OXA1L: variants seen among roughly 807,000 people sequenced by gnomAD.
The protein encoded by OXA1L is mitochondrial inner membrane protein OXA1L.
OXA1L carries 42 observed loss-of-function variants against 52.2 expected under a neutral mutation model. The ratio of observed to expected loss-of-function variants is 0.80; its 90% CI spans 0.63 to 1.04. OXA1L has a LOEUF of 1.04. Ranked by LOEUF, OXA1L falls within the 50% of genes least tolerant of loss-of-function variation. The probability of loss-of-function intolerance (pLI) is 0.00; values close to 1 mark genes in which losing one functional copy is unlikely to be tolerated. For missense variants in OXA1L, 572 were observed against 555.0 expected (o/e 1.03, Z -0.31); for synonymous variants, 239 against 201.9 (o/e 1.18, Z -1.56).
At chr14:22,771,397 G>C in intron 9 of OXA1L, 37 bp from the exon 10 acceptor site, 1 of 1,613,932 alleles carries the variant, frequency 6.2e-7, no homozygotes. Context: ...CTTCCTTTCT[G>C]TTCTTCGTTG....
At position 22,770,228 on chromosome 14, in the gene OXA1L, A is replaced by C. The variant is rs753873804; in HGVS notation, c.619A>C (p.Lys207Gln). 9.9e-6 allele frequency: 16 copies of C among 1,612,714 alleles called. No homozygotes were observed. In the East Asian group the frequency reaches 3.6e-4, roughly 36 times the overall value. ...KASSEMALYQ[K>Q]KHGIKLYKPL... is the part of the protein sequence containing the mutation. ...TTCCTCGGAGATGGCACTTTACCAG[A>C]AAAAACATGGTATTAAACTCTATAA... The change falls in exon 5 of 10, where the codon AAA becomes CAA. Residue 207 changes from lysine to glutamine, a missense_variant. Physicochemically the swap from Lys to Gln is moderately conservative, Grantham distance 53. Transcript: ENST00000612549.
intron 1 of OXA1L, chr14:22,767,008 C>T (rs889766680): frequency 3.3e-6 from 5 of 1,535,166 alleles, no homozygotes; most frequent in Non-Finnish European, 4.4e-6. Flanking sequence ...GTTCTCAGGG[C>T]CCTCCGATGT....
rs761949702 is a variant in OXA1L, at chr14:22,771,367, C to T, written c.1183+19C>T. ...GCCAGGGGTAAATAGTCCTTTCAGGCCAAATTCTGTCTTTTGTTTCTTCCT... is the reference window on the plus strand; with the variant it reads ...GCCAGGGGTAAATAGTCCTTTCAGGTCAAATTCTGTCTTTTGTTTCTTCCT... On this transcript the variant is annotated intron_variant, in intron 9 of 9. Coordinates refer to ENST00000612549, the MANE Select transcript of OXA1L (RefSeq NM_005015.5). The T allele has an allele frequency of 3.1e-5, 50 of 1,613,642 alleles. No homozygotes were observed. In the Admixed American group the frequency reaches 8.0e-4, roughly 26 times the overall value.
chr14:22,772,488 C>CCAAAAA lies in OXA1L; in HGVS notation c.*930_*931insCAAAAA, dbSNP rs1355842728. 5.3e-5 allele frequency: 4 copies of CCAAAAA among 76,002 alleles called. 2 individuals are homozygous for CCAAAAA. In the Admixed American group the frequency reaches 6.3e-4, roughly 12 times the overall value. The allele number at this position is 76,002 out of a possible 1,614,324, so 4.7% of individuals were successfully genotyped here. The stretch of plus-strand genomic sequence containing the variant: ...TGGGCAAGAGAGTGAGACTCCTTCT[C>CCAAAAA]AAAAAAAAAAAAAAAAAAAAAAAAA... On this transcript the variant is annotated 3_prime_UTR_variant, in exon 10 of 10. Transcript: ENST00000612549.
rs1053229637 is a variant in OXA1L, at chr14:22,770,372, G to A, written c.670-89G>A. On this transcript the variant is annotated intron_variant, in intron 5 of 9. Transcript: ENST00000612549. ...TCCCAGGTCCCCCAAAAAACAGGTG[G>A]TGGTGGATTATACATGGCTTTCAGT... 1.0e-5 allele frequency: 16 copies of A among 1,550,126 alleles called. No homozygotes were observed. In the South Asian group the frequency reaches 1.6e-4, roughly 15 times the overall value.
chr14:22,769,801 T>C lies in OXA1L; in HGVS notation c.450T>C (p.Phe150=). Residue 150 remains phenylalanine (F), a synonymous_variant, in exon 4 of 10, where the codon TTT becomes TTC. Coordinates refer to ENST00000612549, the MANE Select transcript of OXA1L (RefSeq NM_005015.5). ...GTTTGTATTTTCCAGGTACAGTCTT[T>C]GCCCGCTGCCTGATTTTTCCTCTCA... ...WWGAIAACTV[F]ARCLIFPLIV... 6.2e-7 allele frequency: 1 copy of C among 1,614,202 alleles called. No individual in the cohort carries two copies. Among genetic ancestry groups the C allele is most frequent in the African/African-American group, 1.3e-5 (1 of 75,036 alleles).
At position 22,766,696 on chromosome 14, in the gene OXA1L, G is replaced by T; in HGVS notation, c.-6G>T. 1 of 1,614,268 alleles carries T rather than the reference G, an allele frequency of 6.2e-7. No homozygotes were observed. Among genetic ancestry groups the T allele is most frequent in the Non-Finnish European group, 8.5e-7 (1 of 1,180,054 alleles). On this transcript the variant is annotated 5_prime_UTR_variant, in exon 1 of 10. Coordinates refer to ENST00000612549, the MANE Select transcript of OXA1L (RefSeq NM_005015.5). ...AGGCGCAAAAGCAAGTCCTCTTCCG[G>T]GCAAAATGGCGATGGGACTAATGTG...
At position 22,768,358 on chromosome 14, in the gene OXA1L, A is replaced by T. The variant is rs115253312; in HGVS notation, c.439+187A>T. 1,247 of 592,502 alleles carry T rather than the reference A, an allele frequency of 2.1e-3. 9 individuals are homozygous for T. Among genetic ancestry groups the T allele is most frequent in the African/African-American group, 0.018 (962 of 53,900 alleles). 36.7% of individuals were successfully genotyped at this position (592,502 alleles called of 1,614,324 possible). ...ATTTCTTAAAGAGCATTATAAAACC[A>T]CCAGATCATCTGGGATTCAAGAAGT... On this transcript the variant is annotated intron_variant, in intron 3 of 9. Coordinates refer to ENST00000612549, the MANE Select transcript of OXA1L (RefSeq NM_005015.5).
chr14:22,767,332 C>T lies in OXA1L; in HGVS notation c.148C>T (p.Arg50Cys). Residue 50 changes from arginine (R) to cysteine (C), a missense_variant, in exon 2 of 10, where the codon CGC (arginine) becomes TGC (cysteine). Arg to Cys is a radical substitution (Grantham distance 180). This residue lies in a region of OXA1L where 186 missense variants were observed against 151.8 expected (regional missense o/e 1.23). Coordinates refer to ENST00000612549, the MANE Select transcript of OXA1L (RefSeq NM_005015.5). ...ATTCCCAGCAGCCCCGTGCTGCTGT[C>T]GCCCACACTACCTCTTCCTTGCGGC... ...LLFPAAPCCC[R>C]PHYLFLAASG... 1.9e-6 allele frequency: 3 copies of T among 1,613,870 alleles called. No individual in the cohort carries two copies. Among genetic ancestry groups the T allele is most frequent in the Non-Finnish European group, 1.7e-6 (2 of 1,179,892 alleles).
At chr14:22,768,591 G>A (rs140931161) in intron 3 of OXA1L, 2 of 196,134 alleles carry the variant, frequency 1.0e-5, no homozygotes, top group South Asian at 8.8e-5. Flanking sequence ...TTTCTCCCCT[G>A]TGTCTTCAGC....
At chr14:22,767,536 A>G in intron 2 of OXA1L, 127 bp downstream of exon 2, 1 of 734,714 alleles carries the variant, frequency 1.4e-6, no homozygotes, top group Non-Finnish European at 2.2e-6. Flanking sequence ...AGCTCTCCAA[A>G]ATGATAGCAT....
chr14:22,770,827 A>G lies in OXA1L; in HGVS notation c.857A>G (p.Gln286Arg), dbSNP rs767056865. 2 of 1,614,184 alleles carry G rather than the reference A, an allele frequency of 1.2e-6. No homozygotes were observed. The highest frequency in any genetic ancestry group is 8.5e-7 in the Non-Finnish European group (1 of 1,180,004). The change falls in exon 7 of 10, where the codon CAA becomes CGA. Residue 286 changes from glutamine (Q) to arginine (R), a missense_variant. By Grantham distance (43) the Gln-to-Arg change is conservative. This residue lies in a region of OXA1L where 244 missense variants were observed against 240.2 expected (regional missense o/e 1.02). Coordinates refer to ENST00000612549, the MANE Select transcript of OXA1L (RefSeq NM_005015.5). ...VLELGAETGV[Q>R]SSDLQWMRNV... is the part of the protein sequence containing the mutation. Reference sequence around the variant, plus strand: ...CAGCTAGGTGCTGAGACAGGTGTGCAAAGTTCTGACCTTCAGTGGATGAGA... The same window carrying G: ...CAGCTAGGTGCTGAGACAGGTGTGCGAAGTTCTGACCTTCAGTGGATGAGA...
chr14:22,770,921 CT>C lies in OXA1L; in HGVS notation c.939+14del. On this transcript the variant is annotated intron_variant, in intron 7 of 9. Coordinates refer to ENST00000612549, the MANE Select transcript of OXA1L (RefSeq NM_005015.5). ...TGCATTTCCCCACGGTATGTAATGC[CT>C]TATGGGCTGGCTCCAAGGCCTTCTG... 6.2e-7 allele frequency: 1 copy of C among 1,613,032 alleles called. No individual in the cohort carries two copies. Among genetic ancestry groups the C allele is most frequent in the Non-Finnish European group, 8.5e-7 (1 of 1,178,994 alleles).
At chr14:22,767,742 A>G in intron 2 of OXA1L, 1 of 516,750 alleles carries the variant, frequency 1.9e-6, no homozygotes, top group Non-Finnish European at 3.4e-6. Flanking sequence ...TCCCAGCATG[A>G]AGGGAAGTCA....
chr14:22,771,066 G>A lies in OXA1L; in HGVS notation c.988G>A (p.Val330Ile). The A allele has an allele frequency of 6.2e-7, 1 of 1,614,162 alleles. No homozygotes were observed. The highest frequency in any genetic ancestry group is 1.3e-5 in the African/African-American group (1 of 75,038). Reference protein sequence around the residue: ...LSSNLFSLVQVSCLRIPAVRT... With the variant: ...LSSNLFSLVQISCLRIPAVRT... ...CTCCAATTTGTTTTCCCTGGTCCAA[G>A]TATCCTGTCTCCGGATTCCAGCAGT... The change falls in exon 8 of 10, where the codon GTA becomes ATA. Residue 330 changes from valine to isoleucine, a missense_variant. Val to Ile is a conservative substitution (Grantham distance 29, BLOSUM62 3). Coordinates refer to ENST00000612549, the MANE Select transcript of OXA1L (RefSeq NM_005015.5).
At position 22,771,637 on chromosome 14, in the gene OXA1L, C is replaced by G; in HGVS notation, c.*79C>G. On this transcript the variant is annotated 3_prime_UTR_variant, in exon 10 of 10. Transcript: ENST00000612549. Reference sequence around the variant, plus strand: ...TCAAAACAAGACTTGACACTGTGTCCTTGCCCCAGTCCTAGGAACTGTGGC... The same window carrying G: ...TCAAAACAAGACTTGACACTGTGTCGTTGCCCCAGTCCTAGGAACTGTGGC... 6.9e-7 allele frequency: 1 copy of G among 1,449,106 alleles called. No homozygotes were observed. The highest frequency in any genetic ancestry group is 9.7e-7 in the Non-Finnish European group (1 of 1,034,222). 89.8% of individuals were successfully genotyped at this position (1,449,106 alleles called of 1,614,324 possible). A position where few individuals can be genotyped will look rare whatever the true frequency, so the allele number is the denominator to read the frequency against.
Position 22,772,162 on chromosome 14 carries a change from AATATAAT to A in OXA1L, c.*605_*611del, listed in dbSNP as rs2038475232. 6.6e-6 allele frequency: 1 copy of A among 152,306 alleles called. No individual in the cohort carries two copies. The highest frequency in any genetic ancestry group is 1.5e-5 in the Non-Finnish European group (1 of 68,430). The allele number at this position is 152,306 out of a possible 1,614,324, so 9.4% of individuals were successfully genotyped here. A position where few individuals can be genotyped will look rare whatever the true frequency, so the allele number is the denominator to read the frequency against. ...CTTTTGCTGGCCCATGGCCTTGGAA[AATATAAT>A]GTTTTAACCTGGCATTAAGGGTTTA... On this transcript the variant is annotated 3_prime_UTR_variant, in exon 10 of 10. Transcript: ENST00000612549.
chr14:22,767,080 C>T (rs2038412723), intron 1 of OXA1L, 168 bp from the exon 2 acceptor site: 5 of 1,536,346 alleles, frequency 3.3e-6, no homozygotes, highest in African/African-American at 1.4e-5. Flanking sequence ...AGGCACCACC[C>T]GCTGCATGCC....
chr14:22,770,604 T>C lies in OXA1L; in HGVS notation c.813T>C (p.Ala271=). The C allele has an allele frequency of 6.2e-7, 1 of 1,612,972 alleles. No individual in the cohort carries two copies. Among genetic ancestry groups the C allele is most frequent in the Non-Finnish European group, 8.5e-7 (1 of 1,179,114 alleles). Residue 271 remains alanine, a synonymous_variant, in exon 6 of 10, where the codon GCT becomes GCC. Transcript: ENST00000612549. The part of the protein sequence containing the change: ...PIYILPLAVT[A]TMWAVLELGA... ...ACATATTACCACTGGCAGTCACTGC[T>C]ACAATGTGGGCTGTTCTTGAGGTAA...
Sources: gnomAD v4.1 joint callset for allele counts on GRCh38, gnomAD v4.1.1 for gene constraint, gnomAD v4.1.1 regional missense constraint, MANE v1.5 for transcripts, NCBI Gene and HGNC (gene_info 2026-07-23, HGNC 2026-07-21) for gene names.